Variants in RNGTT observed in about 807,000 individuals in gnomAD.
RNGTT encodes RNA guanylyltransferase and 5'-phosphatase.
Under a neutral mutation model 79.3 loss-of-function variants are expected in RNGTT, and 33 were observed. That is an observed-to-expected ratio of 0.42 (90% CI 0.32 to 0.56). The LOEUF (loss-of-function observed/expected upper bound fraction) is 0.56. Among genes scored for constraint, RNGTT ranks in the 20% least tolerant of loss-of-function variants. The probability of loss-of-function intolerance (pLI) is 0.17; values close to 1 mark genes in which losing one functional copy is unlikely to be tolerated. For missense variants in RNGTT, 497 were observed against 739.1 expected, an observed-to-expected ratio of 0.67 and a Z score of 3.80; for synonymous variants, 222 against 235.9, an observed-to-expected ratio of 0.94 and a Z score of 0.54.
At chr6:88,631,638 C>T (rs954072191) in intron 14 of RNGTT, among the ~76,000 whole-genome samples, 3 of 151,388 alleles carry the variant, frequency 2.0e-5, no homozygotes, top group African/African-American at 7.3e-5. Context: ...AACATTTTCT[C>T]AACTCTACAT....
intron 13 of RNGTT, among the ~76,000 whole-genome samples, chr6:88,686,903 T>C (rs1046558090): frequency 2.7e-5 from 4 of 145,618 alleles, no homozygotes; most frequent in Non-Finnish European, 5.9e-5. Context: ...AAAGAAAACC[T>C]GAGTAAATTC....
intron 6 of RNGTT, among the ~76,000 whole-genome samples, chr6:88,895,191 A>AT (rs1004170248): frequency 6.6e-6 from 1 of 151,756 alleles, no homozygotes; most frequent in African/African-American, 2.4e-5. Flanking sequence ...TTTAGTAAAT[A>AT]TTACAGAAGA....
rs142321771 is a variant in RNGTT at position 88,732,791 on chromosome 6, A to AG, written c.1439+36982dup. On this transcript the variant is annotated intron_variant, in intron 13 of 15. Transcript: ENST00000369485. The stretch of plus-strand genomic sequence containing the variant: ...AAAGTAGAAAGCCAGGGGCTGGAGG[A>AG]GGAAGCAATGGGAAGTCAATGTTTA... Among the ~76,000 whole-genome samples, 763 of 152,298 alleles carry AG rather than the reference A, an allele frequency of 5.0e-3. 7 individuals are homozygous for AG. The highest frequency in any genetic ancestry group is 0.017 in the African/African-American group (726 of 41,568).
intron 4 of RNGTT, among the ~76,000 whole-genome samples, chr6:88,910,667 C>T (rs771407959): frequency 3.3e-5 from 5 of 152,068 alleles, no homozygotes; most frequent in African/African-American, 7.2e-5. Context: ...CTATACAAAA[C>T]GACCATCATC....
intron 12 of RNGTT, among the ~76,000 whole-genome samples, chr6:88,781,369 G>A (rs566292005): frequency 6.0e-4 from 91 of 152,294 alleles, no homozygotes; most frequent in African/African-American, 2.1e-3. Flanking sequence ...TAAAACCTGA[G>A]ACATAATGCC....
chr6:88,916,454 G>A (rs1029775707), intron 4 of RNGTT, among the ~76,000 whole-genome samples: 5 of 152,160 alleles, frequency 3.3e-5, no homozygotes, highest in African/African-American at 9.7e-5. Context: ...GCCTGGGTGA[G>A]AGTGAGACAC....
At chr6:88,910,303 T>C (rs1029966609) in intron 4 of RNGTT, among the ~76,000 whole-genome samples, 3 of 152,120 alleles carry the variant, frequency 2.0e-5, no homozygotes, top group African/African-American at 7.2e-5. Flanking sequence ...GAAATTCAAT[T>C]CACCACAGGA....
intron 2 of RNGTT, among the ~76,000 whole-genome samples, chr6:88,937,655 T>G (rs1784710475): frequency 6.6e-6 from 1 of 152,190 alleles, no homozygotes; most frequent in Non-Finnish European, 1.5e-5. Flanking sequence ...TCTGAATCCT[T>G]CTACATTTTT....
chr6:88,948,211 G>A (rs1335517494), intron 1 of RNGTT, among the ~76,000 whole-genome samples: 4 of 10,324 alleles, frequency 3.9e-4, no homozygotes, highest in Non-Finnish European at 6.6e-4. Flanking sequence ...CCGGCCAGCC[G>A]CCCCGTCCGG....
intron 4 of RNGTT, among the ~76,000 whole-genome samples, chr6:88,921,119 C>T (rs1784151071): frequency 6.6e-6 from 1 of 151,948 alleles, no homozygotes; most frequent in African/African-American, 2.4e-5. Context: ...AAATACTGTC[C>T]TGCTTTTATA....
At chr6:88,734,337 A>G (rs1280803474) in intron 13 of RNGTT, among the ~76,000 whole-genome samples, 2 of 152,134 alleles carry the variant, frequency 1.3e-5, no homozygotes, top group Admixed American at 6.5e-5. Flanking sequence ...ATATTAAGAG[A>G]AGAGAGAAAA....
At chr6:88,922,769 T>C (rs573860833) in intron 4 of RNGTT, among the ~76,000 whole-genome samples, 4 of 152,270 alleles carry the variant, frequency 2.6e-5, no homozygotes, top group African/African-American at 4.8e-5. Flanking sequence ...GACCTTGTGA[T>C]CCACCCGCCT....
chr6:88,872,668 A>G (rs1782394304), intron 8 of RNGTT, among the ~76,000 whole-genome samples: 1 of 152,200 alleles, frequency 6.6e-6, no homozygotes. Flanking sequence ...ATTTTGGGGT[A>G]ATTTTAGGGT....
chr6:88,923,814 T>A (rs1438184697), intron 4 of RNGTT, among the ~76,000 whole-genome samples: 1 of 151,912 alleles, frequency 6.6e-6, no homozygotes, highest in African/African-American at 2.4e-5. Flanking sequence ...CTTAATAAGT[T>A]GATTTAAAAA....
rs772918511 is a variant in RNGTT at position 88,941,193 on chromosome 6, G to A, written c.65-13C>T. On this transcript the variant is annotated splice_polypyrimidine_tract_variant and intron_variant, in intron 1 of 15. Transcript: ENST00000369485. ...GGTAAGAATCTTCCTAAACAACACAGATAGGTAATCATTTCCATAAAAGGA... is the reference window on the plus strand; with the variant it reads ...GGTAAGAATCTTCCTAAACAACACAAATAGGTAATCATTTCCATAAAAGGA... 111 of 1,398,258 alleles carry A rather than the reference G, an allele frequency of 7.9e-5. No homozygotes were observed. Among genetic ancestry groups the A allele is most frequent in the Non-Finnish European group, 9.2e-5 (92 of 997,060 alleles). The allele number at this position is 1,398,258 out of a possible 1,614,324, so 86.6% of individuals were successfully genotyped here.
At chr6:88,945,777 C>T (rs766241547) in intron 1 of RNGTT, among the ~76,000 whole-genome samples, 6 of 152,160 alleles carry the variant, frequency 3.9e-5, no homozygotes, top group Admixed American at 6.5e-5. Context: ...CAATGGGATA[C>T]GGGCCAAAGT....
At chr6:88,849,363 A>G (rs970368350) in intron 10 of RNGTT, among the ~76,000 whole-genome samples, 1 of 152,052 alleles carries the variant, frequency 6.6e-6, no homozygotes, top group African/African-American at 2.4e-5. Flanking sequence ...ACTGCAATTT[A>G]TTACCCATTC....
Position 88,629,139 on chromosome 6 carries a change from G to GGT in RNGTT, c.1507-14746_1507-14745dup, listed in dbSNP as rs1460151954. Among the ~76,000 whole-genome samples the GGT allele has an allele frequency of 1.8e-4, 28 of 152,214 alleles. 1 individual carries two copies. The highest frequency in any genetic ancestry group is 6.7e-4 in the African/African-American group (28 of 41,550). On this transcript the variant is annotated intron_variant, in intron 14 of 15. Transcript: ENST00000369485. ...AAATCTCAAAAGTGGGTAGGGAAAA[G>GGT]GTGTGGACAAGAAGACGAAGAAAGT...
intron 13 of RNGTT, among the ~76,000 whole-genome samples, chr6:88,747,219 T>C (rs908192144): frequency 6.6e-6 from 1 of 152,204 alleles, no homozygotes; most frequent in African/African-American, 2.4e-5. Context: ...GGAATGGTGA[T>C]ATCTATCACA....
Sources: allele counts gnomAD v4.1 joint callset (sites outside exome capture counted in the v4.1 genomes callset), GRCh38; gene constraint gnomAD v4.1.1; transcripts MANE v1.5; gene names NCBI Gene and HGNC (gene_info 2026-07-23, HGNC 2026-07-21).